Variants in USP40 observed in about 807,000 individuals in gnomAD.
USP40 encodes the protein ubiquitin specific peptidase 40, also known as ubiquitin carboxyl-terminal hydrolase 40.
Under a neutral mutation model 166.2 loss-of-function variants are expected in USP40, and 143 were observed. That is an observed-to-expected ratio of 0.86 (90% confidence interval 0.75 to 0.99). USP40 has a LOEUF of 0.99. USP40 is among the 50% of genes least tolerant of loss of function. The probability of loss-of-function intolerance (pLI) is 0.00; values close to 1 mark genes in which losing one functional copy is unlikely to be tolerated. For missense variants in USP40, 1,444 were observed against 1,479.7 expected, an observed-to-expected ratio of 0.98 and a Z score of 0.40; for synonymous variants, 498 against 524.0, an observed-to-expected ratio of 0.95 and a Z score of 0.68.
At chr2:233,539,212 CAA>C (rs56701014) in intron 10 of USP40, among the ~76,000 whole-genome samples, 3 of 146,918 alleles carry the variant, frequency 2.0e-5, no homozygotes, top group African/African-American at 7.5e-5. Context: ...ATAGAAAAGG[CAA>C]AAAAAAAAAT....
chr2:233,521,129 A>G lies in USP40; in HGVS notation c.2202-15T>C. 1 of 1,602,586 alleles carries G rather than the reference A, an allele frequency of 6.2e-7. No homozygotes were observed. The highest frequency in any genetic ancestry group is 8.5e-7 in the Non-Finnish European group (1 of 1,175,674). On this transcript the variant is annotated splice_polypyrimidine_tract_variant and intron_variant, in intron 16 of 31. Transcript: ENST00000678225. The stretch of plus-strand genomic sequence containing the variant: ...TGGTCAACAAGCTGTAGGTAAAAAG[A>G]AAAGATCAGAAATTAATACCTTTCC...
rs1257667303 is a variant in USP40, at chr2:233,559,937, C to G, written c.268-13G>C. On this transcript the variant is annotated splice_polypyrimidine_tract_variant and intron_variant, in intron 3 of 31. Transcript: ENST00000678225. ...GGATGATTCGAACCTGAATGAGAAACAAACACATTTCTAAATGAATTCTTT... is the reference window on the plus strand; with the variant it reads ...GGATGATTCGAACCTGAATGAGAAAGAAACACATTTCTAAATGAATTCTTT... The G allele has an allele frequency of 1.9e-6, 3 of 1,572,420 alleles. No individual in the cohort carries two copies. The highest frequency in any genetic ancestry group is 2.6e-6 in the Non-Finnish European group (3 of 1,154,238).
At chr2:233,545,024 G>A (rs560580723) in intron 8 of USP40, among the ~76,000 whole-genome samples, 1 of 152,096 alleles carries the variant, frequency 6.6e-6, no homozygotes, top group African/African-American at 2.4e-5. Context: ...TTTTAACTCA[G>A]TCCTCAAATT....
intron 26 of USP40, among the ~76,000 whole-genome samples, chr2:233,490,099 A>G (rs1156544852): frequency 3.3e-5 from 5 of 151,888 alleles, no homozygotes; most frequent in African/African-American, 1.2e-4. Flanking sequence ...TAATATGAGA[A>G]AAAAAAAGTA....
At chr2:233,523,525 A>T (rs1380588756) in intron 15 of USP40, 36 bp from the exon 16 acceptor site, 2 of 1,562,964 alleles carry the variant, frequency 1.3e-6, no homozygotes, top group African/African-American at 2.7e-5. Context: ...AGTACAGCTG[A>T]TATTTGCCAA....
At chr2:233,502,790 T>A (rs1465151873) in intron 21 of USP40, among the ~76,000 whole-genome samples, 1 of 151,406 alleles carries the variant, frequency 6.6e-6, no homozygotes, top group Non-Finnish European at 1.5e-5. Context: ...AGAACTGGCA[T>A]AGGGATCATG....
At chr2:233,528,270 C>A (rs1263931820) in intron 12 of USP40, among the ~76,000 whole-genome samples, 1 of 152,130 alleles carries the variant, frequency 6.6e-6, no homozygotes, top group Non-Finnish European at 1.5e-5. Context: ...TGAGCCACTG[C>A]GACCGGCCCC....
intron 9 of USP40, 97 bp from the exon 10 acceptor site, chr2:233,540,866 T>C (rs569345029): frequency 8.4e-5 from 65 of 771,762 alleles, no homozygotes; most frequent in Middle Eastern, 7.0e-4. Context: ...CCTAATTAAA[T>C]ATGCCTAGAA....
chr2:233,532,653 C>G (rs2068631652), intron 11 of USP40, among the ~76,000 whole-genome samples: 1 of 152,166 alleles, frequency 6.6e-6, no homozygotes, highest in Non-Finnish European at 1.5e-5. Flanking sequence ...TGCCAAGAAC[C>G]TGGACAACTT....
Position 233,549,108 on chromosome 2 carries a change from T to A in USP40, c.959A>T (p.Gln320Leu). ...IKDVDHLGNW[Q>L]FQEEKSKPDV... ...ACGAATTTCTATACGTACTTGAAAC[T>A]GCCAGTTTCCCAAATGATCAACATC... Residue 320 changes from glutamine (Q) to leucine (L), a missense_variant, in exon 8 of 32, where the codon CAG becomes CTG. By Grantham distance (113) the Gln-to-Leu change is moderately radical. Transcript: ENST00000678225. 1 of 1,596,428 alleles carries A rather than the reference T, an allele frequency of 6.3e-7. No individual in the cohort carries two copies. The highest frequency in any genetic ancestry group is 8.5e-7 in the Non-Finnish European group (1 of 1,172,872).
At chr2:233,533,885 T>C in intron 10 of USP40, 106 bp from the exon 11 acceptor site, 3 of 1,193,948 alleles carry the variant, frequency 2.5e-6, no homozygotes, top group East Asian at 5.1e-5. Context: ...TTTAACTTCA[T>C]CTTTATTTCT....
In USP40 at chr2:233,493,439, G is replaced by A; in HGVS notation, c.2903C>T (p.Ala968Val). 6.2e-7 allele frequency: 1 copy of A among 1,613,910 alleles called. No individual in the cohort carries two copies. Among genetic ancestry groups the A allele is most frequent in the Non-Finnish European group, 8.5e-7 (1 of 1,179,854 alleles). The change falls in exon 25 of 32, where the codon GCC becomes GTC. Residue 968 changes from alanine to valine, a missense_variant. Coordinates refer to ENST00000678225, the MANE Select transcript of USP40 (RefSeq NM_001365479.2). This position sits in a 1 kb window ranked among gnomAD's most constrained non-coding sequence, Gnocchi z 4.7. ...TCTGTTCTCACCTTGGCTGGAAGTG[G>A]CTCTCCAAACTCTGCCCCAAGACGA... The part of the protein sequence containing the change: ...CTSSWGRVWR[A>V]TSSQGASGNE...
chr2:233,511,594 G>A (rs547960492), intron 20 of USP40, 115 bp downstream of exon 20: 42 of 683,830 alleles, frequency 6.1e-5, no homozygotes, highest in African/African-American at 4.2e-4. Flanking sequence ...TAAAATGTAT[G>A]ATTTAAGAAA....
At chr2:233,513,476 C>T (rs532937626) in intron 18 of USP40, among the ~76,000 whole-genome samples, 2 of 152,236 alleles carry the variant, frequency 1.3e-5, no homozygotes, top group Admixed American at 1.3e-4. Flanking sequence ...ATGGTTACTG[C>T]TTGTGGTGCA....
intron 11 of USP40, 86 bp from the exon 12 acceptor site, chr2:233,529,598 T>C: frequency 1.2e-6 from 1 of 860,430 alleles, no homozygotes; most frequent in Non-Finnish European, 1.6e-6. Context: ...GGAAGGACTG[T>C]CCTAGGAGCT....
At chr2:233,481,632 A>G (rs1253442478) in intron 30 of USP40, 1 of 302,322 alleles carries the variant, frequency 3.3e-6, no homozygotes, top group African/African-American at 2.2e-5. Flanking sequence ...CGGATCTCTC[A>G]TCGCCGCGCC....
At chr2:233,556,708 T>G (rs1575345058) in intron 5 of USP40, 147 bp downstream of exon 5, 7 of 641,416 alleles carry the variant, frequency 1.1e-5, no homozygotes, top group Non-Finnish European at 1.4e-5. Flanking sequence ...AGGCTCATGA[T>G]TTAGGTGTAG....
rs1361682929 is a variant in USP40 at position 233,486,466 on chromosome 2, C to T, written c.3198-489G>A. Among the ~76,000 whole-genome samples, 1 of 152,080 alleles carries T rather than the reference C, an allele frequency of 6.6e-6. No homozygotes were observed. Reference sequence around the variant, plus strand: ...GAAGAGAGACACAGGGCGGGTGAGACACAAGGCTGCAGCTGTGGGAGATGG... The same window carrying T: ...GAAGAGAGACACAGGGCGGGTGAGATACAAGGCTGCAGCTGTGGGAGATGG... On this transcript the variant is annotated intron_variant, in intron 28 of 31. Coordinates refer to ENST00000678225, the MANE Select transcript of USP40 (RefSeq NM_001365479.2). This position sits in a 1 kb window ranked among gnomAD's most constrained non-coding sequence, Gnocchi z 4.0.
intron 18 of USP40, among the ~76,000 whole-genome samples, chr2:233,517,402 T>TTTTTTTTTTG: frequency 6.7e-6 from 1 of 150,350 alleles, no homozygotes; most frequent in East Asian, 1.9e-4. Flanking sequence ...TTTTTTTTTT[T>TTTTTTTTTTG]GAGACGGAGT....
Sources: gnomAD v4.1 joint callset for allele counts (sites outside exome capture counted in the v4.1 genomes callset) on GRCh38, gnomAD v4.1.1 for gene constraint, Gnocchi (gnomAD v3.1) non-coding constraint, MANE v1.5 for transcripts, NCBI Gene and HGNC (gene_info 2026-07-23, HGNC 2026-07-21) for gene names.